TOE1: variants seen among roughly 807,000 people sequenced by gnomAD.
TOE1 encodes target of EGR1, exonuclease, also known as target of EGR1 protein 1.
TOE1 carries 50 observed loss-of-function variants against 49.2 expected under a neutral mutation model. The ratio of observed to expected loss-of-function variants is 1.02; its 90% CI spans 0.81 to 1.29. TOE1 has a LOEUF of 1.29. TOE1 is among the 50% of genes most tolerant of loss of function. The pLI, the probability that TOE1 is intolerant of heterozygous loss-of-function variation, is 0.00. For missense variants in TOE1, 544 were observed against 654.4 expected, an observed-to-expected ratio of 0.83 and a Z score of 1.84; for synonymous variants, 221 against 247.0, an observed-to-expected ratio of 0.89 and a Z score of 0.99.
rs1271465825 is a variant in TOE1, at chr1:45,343,641, A to C, written c.1472A>C (p.Gln491Pro). 2 of 1,613,674 alleles carry C rather than the reference A, an allele frequency of 1.2e-6. No individual in the cohort carries two copies. The highest frequency in any genetic ancestry group is 1.7e-6 in the Non-Finnish European group (2 of 1,179,720). The change falls in exon 8 of 8, where the codon CAG (glutamine) becomes CCG (proline). Residue 491 changes from glutamine (Q) to proline (P), a missense_variant. Transcript: ENST00000372090. This position sits in a 1 kb window ranked among gnomAD's most constrained non-coding sequence, Gnocchi z 4.3. ...KAVPLTVAKS[Q>P]FSRSSKAHNQ... ...GTACCCCTCACAGTGGCCAAGAGCC[A>C]GTTCTCTCGTTCCTCCAAAGCCCAC...
rs770878310 is a variant in TOE1 at position 45,341,985 on chromosome 1, ACT to A, written c.373_374del (p.Leu125AlafsTer35). 1.9e-6 allele frequency: 3 copies of A among 1,613,766 alleles called. No individual in the cohort carries two copies. In the African/African-American group the frequency reaches 4.0e-5, roughly 22 times the overall value. ...HSYLAQVFNLTLLCMEEYVIE... is the reference protein window; with the variant it reads ...HSYLAQVFNLXLLCMEEYVIE... Reference sequence around the variant, plus strand: ...CTATCTGGCTCAAGTGTTCAATCTCACTCTGCTGTGCATGGAGGAGTATGTCA... The same window carrying A: ...CTATCTGGCTCAAGTGTTCAATCTCACTGCTGTGCATGGAGGAGTATGTCA... On this transcript the variant is annotated frameshift_variant, in exon 5 of 8. Transcript: ENST00000372090. LOFTEE classifies it high-confidence loss of function.
At chr1:45,340,637 A>C in intron 1 of TOE1, 1 of 1,270,588 alleles carries the variant, frequency 7.9e-7, no homozygotes, top group South Asian at 1.6e-5. Flanking sequence ...GGTGTGGGGC[A>C]CTGCCAGGCT....
At chr1:45,340,387 C>G in intron 1 of TOE1, 83 bp downstream of exon 1, 1 of 1,549,490 alleles carries the variant, frequency 6.5e-7, no homozygotes. Context: ...TCTAGAGGCT[C>G]CTCAAGCTTC....
chr1:45,341,264 C>A (rs2149255189), intron 2 of TOE1, 39 bp from the exon 3 acceptor site: 1 of 1,614,160 alleles, frequency 6.2e-7, no homozygotes, highest in East Asian at 2.2e-5. Context: ...GGGGCTGGTG[C>A]TAGAGGCCTG....
chr1:45,343,077 C>T lies in TOE1; in HGVS notation c.913-5C>T. 1.2e-6 allele frequency: 2 copies of T among 1,613,568 alleles called. No individual in the cohort carries two copies. Among genetic ancestry groups the T allele is most frequent in the South Asian group, 1.1e-5 (1 of 91,042 alleles). On this transcript the variant is annotated splice_polypyrimidine_tract_variant and splice_region_variant and intron_variant, in intron 7 of 7. Transcript: ENST00000372090. The surrounding 1 kb of genome is among the most constrained non-coding windows in gnomAD (Gnocchi z 4.3). ...CCTCTTTCTAAGCCTCTTTCCCACC[C>T]CTAGGCTTATGGCTGGTGCCCCCTG...
At position 45,340,212 on chromosome 1, in the gene TOE1, A is replaced by C. The variant is rs1211077933; in HGVS notation, c.-41A>C. 1 of 1,613,752 alleles carries C rather than the reference A, an allele frequency of 6.2e-7. No individual in the cohort carries two copies. The highest frequency in any genetic ancestry group is 8.5e-7 in the Non-Finnish European group (1 of 1,180,008). ...GCGCCAGGAGACGGACCGCAAGTCC[A>C]GCGTACCCACAGACGACTCAGGCGG... is the stretch of plus-strand genomic sequence containing the variant. On this transcript the variant is annotated 5_prime_UTR_variant, in exon 1 of 8. Coordinates refer to ENST00000372090, the MANE Select transcript of TOE1 (RefSeq NM_025077.4).
chr1:45,343,154 G>A lies in TOE1; in HGVS notation c.985G>A (p.Glu329Lys), dbSNP rs747620591. 32 of 1,613,810 alleles carry A rather than the reference G, an allele frequency of 2.0e-5. No homozygotes were observed. The highest frequency in any genetic ancestry group is 2.6e-5 in the Non-Finnish European group (31 of 1,180,028). The change falls in exon 8 of 8, where the codon GAG becomes AAG. Residue 329 changes from glutamate (E) to lysine (K), a missense_variant. Physicochemically the swap from Glu to Lys is moderately conservative, Grantham distance 56. Transcript: ENST00000372090. The surrounding 1 kb of genome is among the most constrained non-coding windows in gnomAD (Gnocchi z 4.3). ...HDIDLIIDTD[E>K]AAAEDKRRRR... is the part of the protein sequence containing the mutation. ...TATTGACCTTATCATTGACACTGAT[G>A]AGGCTGCGGCAGAGGACAAGCGGCG...
In TOE1 at chr1:45,343,022, T is replaced by C. The variant is rs552618696; in HGVS notation, c.912+20T>C. 6.2e-7 allele frequency: 1 copy of C among 1,612,446 alleles called. No individual in the cohort carries two copies. Among genetic ancestry groups the C allele is most frequent in the South Asian group, 1.1e-5 (1 of 90,974 alleles). ...TTCTCGGTGAGAGCACCCACCTGTT[T>C]CTTGGGAGGGAAGGTTCTGATGCCT... On this transcript the variant is annotated intron_variant, in intron 7 of 7. Transcript: ENST00000372090. The surrounding 1 kb of genome is among the most constrained non-coding windows in gnomAD (Gnocchi z 4.3).
At position 45,342,181 on chromosome 1, in the gene TOE1, T is replaced by G. The variant is rs139615826; in HGVS notation, c.492+74T>G. On this transcript the variant is annotated intron_variant, in intron 5 of 7. Coordinates refer to ENST00000372090, the MANE Select transcript of TOE1 (RefSeq NM_025077.4). ...ATTTCTTCCTACCCTAGGCTGGATG[T>G]CTGGGGAGAATCTGCTTCTTAGGGA... is the stretch of plus-strand genomic sequence containing the variant. 3.8e-4 allele frequency: 594 copies of G among 1,565,780 alleles called. 7 individuals carry two copies. The Middle Eastern group carries it at 7.4e-3, about 19-fold the overall frequency.
chr1:45,343,480 G>A lies in TOE1; in HGVS notation c.1311G>A (p.Leu437=). 1 of 1,614,192 alleles carries A rather than the reference G, an allele frequency of 6.2e-7. No homozygotes were observed. Among genetic ancestry groups the A allele is most frequent in the Non-Finnish European group, 8.5e-7 (1 of 1,180,038 alleles). Residue 437 remains leucine (L), a synonymous_variant, in exon 8 of 8, where the codon TTG becomes TTA. Transcript: ENST00000372090. This position sits in a 1 kb window ranked among gnomAD's most constrained non-coding sequence, Gnocchi z 4.3. ...CTAACCCAGTGCCTGGGGATGGATT[G>A]CACCGGGCTGGTTTTGATGCCTTTA... ...ASPNPVPGDG[L]HRAGFDAFMT...
In TOE1 at chr1:45,343,518, T is replaced by C; in HGVS notation, c.1349T>C (p.Val450Ala). Reference sequence around the variant, plus strand: ...TTTGATGCCTTTATGACAGGTTATGTGATGGCCTATGTGGAAGTGAGCCAG... The same window carrying C: ...TTTGATGCCTTTATGACAGGTTATGCGATGGCCTATGTGGAAGTGAGCCAG... Reference protein sequence around the residue: ...AGFDAFMTGYVMAYVEVSQGP... With the variant: ...AGFDAFMTGYAMAYVEVSQGP... The change falls in exon 8 of 8, where the codon GTG becomes GCG. Residue 450 changes from valine to alanine, a missense_variant. By Grantham distance (64) the Val-to-Ala change is moderately conservative (BLOSUM62 0). Coordinates refer to ENST00000372090, the MANE Select transcript of TOE1 (RefSeq NM_025077.4). This position sits in a 1 kb window ranked among gnomAD's most constrained non-coding sequence, Gnocchi z 4.3. The C allele has an allele frequency of 6.2e-7, 1 of 1,614,020 alleles. No homozygotes were observed. Among genetic ancestry groups the C allele is most frequent in the Non-Finnish European group, 8.5e-7 (1 of 1,179,992 alleles).
chr1:45,342,734 G>A, intron 6 of TOE1, 91 bp downstream of exon 6: 2 of 1,599,954 alleles, frequency 1.3e-6, no homozygotes, highest in Non-Finnish European at 1.7e-6. Flanking sequence ...CATGTGCCCA[G>A]GCAGTGTTTT....
chr1:45,341,543 G>T lies in TOE1; in HGVS notation c.307G>T (p.Ala103Ser). 6.2e-7 allele frequency: 1 copy of T among 1,613,758 alleles called. No individual in the cohort carries two copies. The highest frequency in any genetic ancestry group is 1.1e-5 in the South Asian group (1 of 91,006). Residue 103 changes from alanine (A) to serine (S), a missense_variant, in exon 4 of 8, where the codon GCC becomes TCC. Physicochemically the swap from Ala to Ser is moderately conservative, Grantham distance 99. Coordinates refer to ENST00000372090, the MANE Select transcript of TOE1 (RefSeq NM_025077.4). Reference protein sequence around the residue: ...RTRSILSLGLACFKRQPDKGE... With the variant: ...RTRSILSLGLSCFKRQPDKGE... ...CCGTTCTATCCTTTCCCTGGGCCTC[G>T]CCTGCTTCAAGCGGCAGCCAGACAA...
chr1:45,340,369 C>G, intron 1 of TOE1, 65 bp downstream of exon 1: 1 of 1,562,800 alleles, frequency 6.4e-7, no homozygotes, highest in Non-Finnish European at 8.7e-7. Flanking sequence ...AGGCCTCGGG[C>G]TCATAGTTCT....
rs1407719634 is a variant in TOE1, at chr1:45,340,510, C to T, written c.52+206C>T. ...GTTGGGAGCATGGGGCTGATGGAGGCATGGCGGGAGATGTAGTCTGGAGCT... is the reference window on the plus strand; with the variant it reads ...GTTGGGAGCATGGGGCTGATGGAGGTATGGCGGGAGATGTAGTCTGGAGCT... On this transcript the variant is annotated intron_variant, in intron 1 of 7. Coordinates refer to ENST00000372090, the MANE Select transcript of TOE1 (RefSeq NM_025077.4). 2.2e-5 allele frequency: 31 copies of T among 1,433,066 alleles called. No individual in the cohort carries two copies. The East Asian group carries it at 6.6e-4, about 31-fold the overall frequency. 88.8% of individuals were successfully genotyped at this position (1,433,066 alleles called of 1,614,324 possible). A position where few individuals can be genotyped will look rare whatever the true frequency, so the allele number is the denominator to read the frequency against.
At chr1:45,341,002 G>A in intron 1 of TOE1, 71 bp from the exon 2 acceptor site, 2 of 1,602,478 alleles carry the variant, frequency 1.2e-6, no homozygotes, top group Non-Finnish European at 1.7e-6. Context: ...CATCACCGTG[G>A]CCTAGCTTGG....
Position 45,343,093 on chromosome 1 carries a change from G to T in TOE1, c.924G>T (p.Trp308Cys). Residue 308 changes from tryptophan (W) to cysteine (C), a missense_variant, in exon 8 of 8, where the codon TGG (tryptophan) becomes TGT (cysteine). Physicochemically the swap from Trp to Cys is radical, Grantham distance 215. Transcript: ENST00000372090. The surrounding 1 kb of genome is among the most constrained non-coding windows in gnomAD (Gnocchi z 4.3). ...TTTCCCACCCCTAGGCTTATGGCTG[G>T]TGCCCCCTGGGACCACAGTGTCCTC... ...SICDNFSAYG[W>C]CPLGPQCPQS... The T allele has an allele frequency of 6.2e-7, 1 of 1,613,530 alleles. No individual in the cohort carries two copies. The highest frequency in any genetic ancestry group is 8.5e-7 in the Non-Finnish European group (1 of 1,179,662).
rs2149260874 is a variant in TOE1, at chr1:45,343,370, A to G, written c.1201A>G (p.Asn401Asp). ...GCCTCACTCCAAGCAAGGCAACAAA[A>G]ATGACTTAGAGATGGGGATTAAGGC... ...NLPHSKQGNKNDLEMGIKAAR... is the reference protein window; with the variant it reads ...NLPHSKQGNKDDLEMGIKAAR... Residue 401 changes from asparagine to aspartate, a missense_variant, in exon 8 of 8, where the codon AAT becomes GAT. Physicochemically the swap from Asn to Asp is conservative, Grantham distance 23. Coordinates refer to ENST00000372090, the MANE Select transcript of TOE1 (RefSeq NM_025077.4). The surrounding 1 kb of genome is among the most constrained non-coding windows in gnomAD (Gnocchi z 4.3). The G allele has an allele frequency of 6.2e-7, 1 of 1,613,824 alleles. No homozygotes were observed. The highest frequency in any genetic ancestry group is 8.5e-7 in the Non-Finnish European group (1 of 1,179,950).
At position 45,341,312 on chromosome 1, in the gene TOE1, G is replaced by A; in HGVS notation, c.205G>A (p.Gly69Arg). The A allele has an allele frequency of 6.2e-7, 1 of 1,614,200 alleles. No homozygotes were observed. Among genetic ancestry groups the A allele is most frequent in the South Asian group, 1.1e-5 (1 of 91,084 alleles). Residue 69 changes from glycine to arginine, a missense_variant, in exon 3 of 8, where the codon GGG becomes AGG. Physicochemically the swap from Gly to Arg is moderately radical, Grantham distance 125 (BLOSUM62 -2). Transcript: ENST00000372090. ...CTTTACCTACCCACAGGAGCTGAGT[G>A]GGCTTGGGGACAGGAAGAGTTTGCT... is the stretch of plus-strand genomic sequence containing the variant. ...NFVAVDTELS[G>R]LGDRKSLLNQ...
Sources: gnomAD v4.1 joint callset for allele counts on GRCh38, gnomAD v4.1.1 for gene constraint, Gnocchi (gnomAD v3.1) non-coding constraint, MANE v1.5 for transcripts, NCBI Gene and HGNC (gene_info 2026-07-23, HGNC 2026-07-21) for gene names.